RP1: variants seen among roughly 807,000 people sequenced by gnomAD.
RP1 encodes oxygen-regulated protein 1.
Under a neutral mutation model 14.8 loss-of-function variants are expected in RP1, and 16 were observed. That is an observed-to-expected ratio of 1.08 (90% CI 0.73 to 1.65). RP1 has a LOEUF of 1.65. Among genes scored for constraint, RP1 ranks in the 40% most tolerant of loss-of-function variants. RP1 has a pLI of 0.00. For synonymous variants in RP1, 876 were observed against 883.6 expected (o/e 0.99, Z 0.15); for missense variants, 2,631 against 2,535.0 (o/e 1.04, Z -0.81).
intron 24 of RP1, among the ~76,000 whole-genome samples, chr8:54,790,808 A>T (rs1253887678): frequency 6.6e-6 from 1 of 152,210 alleles, no homozygotes; most frequent in African/African-American, 2.4e-5. Context: ...TGGAGCAAAA[A>T]GGAAACAAAA....
chr8:54,794,423 G>A (rs920893308), intron 24 of RP1, among the ~76,000 whole-genome samples: 3 of 96,230 alleles, frequency 3.1e-5, no homozygotes, highest in Non-Finnish European at 5.5e-5. Context: ...ATGCATATAC[G>A]ACCGTTTGTC....
intron 7 of RP1, among the ~76,000 whole-genome samples, chr8:54,671,789 T>C (rs1053343094): frequency 1.3e-5 from 2 of 152,200 alleles, no homozygotes; most frequent in African/African-American, 4.8e-5. Flanking sequence ...AGATAGTTGT[T>C]TTAAATTTCT....
At chr8:54,774,353 C>A (rs1809984438), downstream of RP1, among the ~76,000 whole-genome samples, 1 of 152,156 alleles carries the variant, frequency 6.6e-6, no homozygotes, top group Admixed American at 6.6e-5. Flanking sequence ...TTCAGGATTG[C>A]TTCATCAGTC....
intron 15 of RP1, among the ~76,000 whole-genome samples, chr8:54,717,423 G>A (rs1412192709): frequency 6.6e-6 from 1 of 152,122 alleles, no homozygotes; most frequent in African/African-American, 2.4e-5. Context: ...CCTTACTTGA[G>A]TTAGATCTAG....
chr8:54,706,457 C>CAGA, exon 15 of RP1: 1 of 1,535,848 alleles, frequency 6.5e-7, no homozygotes, highest in South Asian at 1.2e-5. Flanking sequence ...TGTTCCTCAA[C>CAGA]AGTGCTGTGG....
chr8:54,647,722 T>G (rs1806576745), intron 3 of RP1, among the ~76,000 whole-genome samples: 3 of 152,066 alleles, frequency 2.0e-5, no homozygotes, highest in Admixed American at 2.0e-4. Context: ...AGGTTCTTGC[T>G]CTATTGCCCA....
chr8:54,630,726 T>C lies in RP1; in HGVS notation c.*373T>C. 9.6e-7 allele frequency: 1 copy of C among 1,042,614 alleles called. No individual in the cohort carries two copies. Among genetic ancestry groups the C allele is most frequent in the Non-Finnish European group, 1.2e-6 (1 of 865,414 alleles). 64.6% of individuals were successfully genotyped at this position (1,042,614 alleles called of 1,614,324 possible). On this transcript the variant is annotated 3_prime_UTR_variant, in exon 4 of 4. Transcript: ENST00000220676. ...GTAAAATGTATATTGACTGTATTGGTGAATAAATTGAATAGACATAACCTC... is the reference window on the plus strand; with the variant it reads ...GTAAAATGTATATTGACTGTATTGGCGAATAAATTGAATAGACATAACCTC...
intron 15 of RP1, among the ~76,000 whole-genome samples, chr8:54,715,656 T>A (rs1808386204): frequency 6.6e-6 from 1 of 152,208 alleles, no homozygotes; most frequent in Non-Finnish European, 1.5e-5. Context: ...AGAAGTTTCC[T>A]AGAATGGTGA....
At chr8:54,717,801 C>G (rs1290876735) in intron 15 of RP1, among the ~76,000 whole-genome samples, 2 of 152,046 alleles carry the variant, frequency 1.3e-5, no homozygotes, top group Non-Finnish European at 2.9e-5. Context: ...AAATAAAACT[C>G]TCTTGGCTCA....
intron 19 of RP1, among the ~76,000 whole-genome samples, chr8:54,740,311 G>GT (rs1249039146): frequency 2.0e-5 from 3 of 148,116 alleles, no homozygotes; most frequent in Non-Finnish European, 4.5e-5. Flanking sequence ...ATGTGGAGGT[G>GT]TAAGGCAGTG....
intron 12 of RP1, among the ~76,000 whole-genome samples, chr8:54,683,943 T>C (rs1807493390): frequency 6.6e-6 from 1 of 151,912 alleles, no homozygotes; most frequent in Non-Finnish European, 1.5e-5. Context: ...GTTTGTCATA[T>C]ATGGCTCTTA....
intron 1 of RP1, among the ~76,000 whole-genome samples, chr8:54,584,569 T>C (rs1352498045): frequency 2.6e-5 from 4 of 152,186 alleles, no homozygotes; most frequent in African/African-American, 9.7e-5. Flanking sequence ...TAACTTTCTG[T>C]CTAGTTGATC....
chr8:54,813,436 A>G (rs1022391360), intron 24 of RP1, among the ~76,000 whole-genome samples: 8 of 152,214 alleles, frequency 5.3e-5, no homozygotes, highest in African/African-American at 1.9e-4. Context: ...AATCCATGCC[A>G]TGGTAAAAGC....
At chr8:54,777,524 C>T (rs932367663) in intron 23 of RP1, among the ~76,000 whole-genome samples, 2 of 152,076 alleles carry the variant, frequency 1.3e-5, no homozygotes, top group Non-Finnish European at 2.9e-5. Flanking sequence ...GTTTCTAATT[C>T]GGTGTCAAAT....
intron 24 of RP1, among the ~76,000 whole-genome samples, chr8:54,823,265 T>C (rs1382420502): frequency 1.3e-5 from 2 of 152,182 alleles, no homozygotes; most frequent in African/African-American, 4.8e-5. Flanking sequence ...ATCTCAATAA[T>C]GTTTAGAATG....
chr8:54,865,753 T>G (rs886550231), intron 27 of RP1: 1 of 467,714 alleles, frequency 2.1e-6, no homozygotes, highest in East Asian at 3.5e-5. Flanking sequence ...AAAGGAACAT[T>G]TGGAGGACCT....
intron 24 of RP1, among the ~76,000 whole-genome samples, chr8:54,804,343 C>A (rs115514412): frequency 0.029 from 4,363 of 152,186 alleles, 121 homozygotes; most frequent in African/African-American, 0.064. Context: ...CACAGCCAGA[C>A]ACTATTCCAA....
At chr8:54,806,045 GT>G (rs1323465996) in intron 24 of RP1, among the ~76,000 whole-genome samples, 3 of 151,934 alleles carry the variant, frequency 2.0e-5, no homozygotes, top group Non-Finnish European at 4.4e-5. Context: ...TTGAGACAGA[GT>G]CACACTCTGT....
intron 19 of RP1, among the ~76,000 whole-genome samples, chr8:54,744,724 G>A (rs188952567): frequency 1.8e-4 from 28 of 152,318 alleles, no homozygotes; most frequent in African/African-American, 6.0e-4. Context: ...TACACTGGAA[G>A]TTTATTGCTA....
Sources: gnomAD v4.1 joint callset for allele counts (sites outside exome capture counted in the v4.1 genomes callset) on GRCh38, gnomAD v4.1.1 for gene constraint, MANE v1.5 for transcripts, NCBI Gene and HGNC (gene_info 2026-07-23, HGNC 2026-07-21) for gene names.